Variants in GLIS3 observed in about 807,000 individuals in gnomAD.
GLIS3 encodes the protein GLIS family zinc finger 3, also known as zinc finger protein GLIS3.
A neutral mutation model predicts 78.6 loss-of-function variants in GLIS3; 53 were observed. That is an observed-to-expected ratio of 0.67 (90% confidence interval 0.54 to 0.85). The LOEUF is 0.85. GLIS3 is among the 40% of genes least tolerant of loss of function. The pLI, the probability that GLIS3 is intolerant of heterozygous loss-of-function variation, is 0.00. For synonymous variants in GLIS3, 684 were observed against 509.9 expected, an observed-to-expected ratio of 1.34 and a Z score of -4.60; for missense variants, 1,703 against 1,231.1, an observed-to-expected ratio of 1.38 and a Z score of -5.74.
At chr9:4,107,734 A>G (rs985244909) in intron 4 of GLIS3, among the ~76,000 whole-genome samples, 6 of 150,796 alleles carry the variant, frequency 4.0e-5, no homozygotes, top group African/African-American at 1.5e-4. Flanking sequence ...TTTTCAGATC[A>G]GAAGAACACA....
chr9:4,190,462 C>A (rs868710524), intron 2 of GLIS3, among the ~76,000 whole-genome samples: 1 of 126,208 alleles, frequency 7.9e-6, no homozygotes, highest in Non-Finnish European at 1.8e-5. Context: ...TGAAATGAAG[C>A]GAGAAGGGAA....
At chr9:4,084,256 A>ACACACACACACACACACACACACAC (rs1828812518) in intron 4 of GLIS3, among the ~76,000 whole-genome samples, 1 of 132,120 alleles carries the variant, frequency 7.6e-6, no homozygotes, top group Non-Finnish European at 1.6e-5. Context: ...TCCTCTCTCT[A>ACACACACACACACACACACACACAC]ACACACACAC....
chr9:4,469,854 T>C, the GLIS3 span, among the ~76,000 whole-genome samples: 6 of 152,068 alleles, frequency 3.9e-5, no homozygotes, highest in Non-Finnish European at 8.8e-5. Flanking sequence ...GAGCTGTTTT[T>C]TTGAGAAGAT....
At chr9:3,875,436 T>A (rs1445619245) in intron 8 of GLIS3, 2 of 152,178 alleles carry the variant, frequency 1.3e-5, no homozygotes, top group African/African-American at 4.8e-5. Context: ...TCAGCCCATT[T>A]TTTTTAGCAT....
At chr9:4,473,971 G>C in the GLIS3 span, among the ~76,000 whole-genome samples, 3 of 152,036 alleles carry the variant, frequency 2.0e-5, no homozygotes, top group Non-Finnish European at 4.4e-5. Flanking sequence ...TCATGTATTA[G>C]AAGGCTCAAA....
chr9:3,986,128 G>C (rs1819723254), intron 4 of GLIS3, among the ~76,000 whole-genome samples: 2 of 152,180 alleles, frequency 1.3e-5, no homozygotes, highest in African/African-American at 4.8e-5. Flanking sequence ...CAATATCTTA[G>C]AGCCACTGGG....
intron 2 of GLIS3, among the ~76,000 whole-genome samples, chr9:4,161,006 G>C (rs1835426872): frequency 1.3e-5 from 2 of 150,976 alleles, no homozygotes; most frequent in Admixed American, 6.6e-5. Flanking sequence ...CACTTAAGAA[G>C]GCTAAGGTGG....
chr9:3,908,712 T>TTG (rs1554644796), intron 6 of GLIS3, among the ~76,000 whole-genome samples: 35 of 103,790 alleles, frequency 3.4e-4, no homozygotes, highest in Non-Finnish European at 5.3e-4. Context: ...ATTTGTTTTT[T>TTG]TTTTTTTTTT....
At chr9:4,146,911 G>A (rs1042369213) in intron 2 of GLIS3, among the ~76,000 whole-genome samples, 12 of 152,102 alleles carry the variant, frequency 7.9e-5, no homozygotes, top group African/African-American at 2.2e-4. Flanking sequence ...TATTACGTTC[G>A]ACTTTTAAAA....
chr9:4,186,717 T>G (rs201012169), intron 2 of GLIS3, among the ~76,000 whole-genome samples: 1 of 152,106 alleles, frequency 6.6e-6, no homozygotes, highest in African/African-American at 2.4e-5. Flanking sequence ...GGTATCTCAT[T>G]GTGGTTTTGA....
At chr9:4,068,481 C>T (rs922288564) in intron 4 of GLIS3, among the ~76,000 whole-genome samples, 3 of 152,094 alleles carry the variant, frequency 2.0e-5, no homozygotes, top group African/African-American at 7.2e-5. Context: ...AGAAAAAAGG[C>T]TAATGATGTT....
intron 4 of GLIS3, among the ~76,000 whole-genome samples, chr9:4,094,002 A>G (rs1829736659): frequency 1.3e-5 from 2 of 152,050 alleles, no homozygotes; most frequent in Admixed American, 1.3e-4. Flanking sequence ...GCTTTTTTTC[A>G]TCATCCTCGT....
intron 2 of GLIS3, among the ~76,000 whole-genome samples, chr9:4,311,796 G>A (rs1273257830): frequency 6.6e-6 from 1 of 152,210 alleles, no homozygotes; most frequent in African/African-American, 2.4e-5. Context: ...GACAGGAGCA[G>A]GGAAAGTGGT....
chr9:3,914,150 T>C (rs1036178028), intron 6 of GLIS3, among the ~76,000 whole-genome samples: 1 of 116,392 alleles, frequency 8.6e-6, no homozygotes, highest in Non-Finnish European at 1.9e-5. Flanking sequence ...CTTTCTTTCT[T>C]TCTCTTTTTT....
chr9:4,205,942 TC>T (rs1337342905), intron 2 of GLIS3, among the ~76,000 whole-genome samples: 2 of 152,214 alleles, frequency 1.3e-5, no homozygotes, highest in African/African-American at 4.8e-5. Context: ...CAACAGGATT[TC>T]TTTTTTTTTA....
In GLIS3 at chr9:3,825,752, C is replaced by T. The variant is rs191720459; in HGVS notation, c.*2520G>A. 6.6e-6 allele frequency: 1 copy of T among 152,156 alleles called. No individual in the cohort carries two copies. Among genetic ancestry groups the T allele is most frequent in the Non-Finnish European group, 1.5e-5 (1 of 68,060 alleles). 9.4% of individuals were successfully genotyped at this position (152,156 alleles called of 1,614,324 possible). A position where few individuals can be genotyped will look rare whatever the true frequency, so the allele number is the denominator to read the frequency against. ...GTGTGTAGTCTGGAAGGCATCTGAA[C>T]GTGTCCTATCCTGAGGCTGCAATCT... On this transcript the variant is annotated 3_prime_UTR_variant, in exon 11 of 11. Transcript: ENST00000381971.
chr9:3,959,671 C>T (rs1011711153), intron 4 of GLIS3, among the ~76,000 whole-genome samples: 2 of 152,190 alleles, frequency 1.3e-5, no homozygotes, highest in African/African-American at 2.4e-5. Context: ...CCATTCCCTG[C>T]CCCAACACTT....
rs1347896550 is a variant in GLIS3, at chr9:4,339,344, C to T, written n.264+7737G>A. Among the ~76,000 whole-genome samples the T allele has an allele frequency of 2.0e-5, 3 of 152,264 alleles. No homozygotes were observed. In the East Asian group the frequency reaches 5.8e-4, roughly 29 times the overall value. On this transcript the variant is annotated intron_variant and non_coding_transcript_variant, in intron 2 of 4. Transcript: ENST00000471664. ...TTTCATTTTGAAGTACCAAAGACAG[C>T]CGATGAATTGTGTTCATGAAATACA...
the GLIS3 span, among the ~76,000 whole-genome samples, chr9:4,464,476 C>G: frequency 3.3e-5 from 5 of 151,950 alleles, no homozygotes; most frequent in South Asian, 2.1e-4. Flanking sequence ...TTCACTGCAA[C>G]CTCCACCTCC....
Sources: allele counts gnomAD v4.1 joint callset (sites outside exome capture counted in the v4.1 genomes callset), GRCh38; gene constraint gnomAD v4.1.1; transcripts MANE v1.5; gene names NCBI Gene and HGNC (gene_info 2026-07-23, HGNC 2026-07-21).